The following REDIC1 variants were observed in gnomAD, a reference collection of about 807,000 sequenced individuals.
REDIC1 encodes the protein regulator of DNA class I crossover intermediates 1.
At chr12:39,853,849 A>T in the REDIC1 span, among the ~76,000 whole-genome samples, 15 of 152,162 alleles carry the variant, frequency 9.9e-5, no homozygotes, top group Admixed American at 9.2e-4. Context: ...AATACCTCTG[A>T]AAGAGTTTTA....
chr12:39,830,237 T>C, the REDIC1 span: 1 of 1,610,972 alleles, frequency 6.2e-7, no homozygotes, highest in Non-Finnish European at 8.5e-7. Context: ...AACTGAAAAA[T>C]GAAAAGAGTT....
At chr12:39,864,935 G>C in the REDIC1 span, 1 of 1,515,154 alleles carries the variant, frequency 6.6e-7, no homozygotes, top group Non-Finnish European at 8.9e-7. Context: ...TTGTTTTAAG[G>C]CAGACTGGGT....
chr12:39,721,421 TAATG>T, the REDIC1 span: 471 of 584,578 alleles, frequency 8.1e-4, 2 homozygotes, highest in Admixed American at 1.3e-3. Context: ...TTAATATTAT[TAATG>T]TATGTATTTA....
the REDIC1 span, among the ~76,000 whole-genome samples, chr12:39,779,064 G>T: frequency 2.0e-5 from 3 of 152,200 alleles, no homozygotes; most frequent in African/African-American, 7.2e-5. Flanking sequence ...CCCCCAGGAA[G>T]AGTCATCCCT....
At chr12:39,650,476 C>T in the REDIC1 span, 1 of 1,298,980 alleles carries the variant, frequency 7.7e-7, no homozygotes, top group Non-Finnish European at 1.0e-6. This position sits in a 1 kb window ranked among gnomAD's most constrained non-coding sequence, Gnocchi z 4.3. Context: ...AGTAATACTT[C>T]TAGAAAAAAA....
At chr12:39,706,555 A>G in the REDIC1 span, among the ~76,000 whole-genome samples, 1 of 152,082 alleles carries the variant, frequency 6.6e-6, no homozygotes, top group Non-Finnish European at 1.5e-5. Flanking sequence ...ACTTCAAATT[A>G]TACTACAGAA....
At chr12:39,714,797 C>T in the REDIC1 span, among the ~76,000 whole-genome samples, 1 of 151,852 alleles carries the variant, frequency 6.6e-6, no homozygotes, top group South Asian at 2.1e-4. Context: ...TTTTGATTTG[C>T]ATTTCCCTGG....
At chr12:39,690,519 T>TTAGCAATTAACATATTGAATATGA in the REDIC1 span, among the ~76,000 whole-genome samples, 2 of 152,068 alleles carry the variant, frequency 1.3e-5, no homozygotes, top group East Asian at 1.9e-4. Flanking sequence ...TGAAACCCAC[T>TTAGCAATTAACATATTGAATATGA]TAGCAATTAA....
the REDIC1 span, among the ~76,000 whole-genome samples, chr12:39,705,382 T>C: frequency 9.2e-5 from 14 of 152,074 alleles, no homozygotes; most frequent in African/African-American, 3.4e-4. Context: ...CTACAAAACA[T>C]GTAACGAAGA....
chr12:39,703,232 A>G, the REDIC1 span, among the ~76,000 whole-genome samples: 1 of 151,828 alleles, frequency 6.6e-6, no homozygotes, highest in Non-Finnish European at 1.5e-5. Flanking sequence ...CAACTTCAGC[A>G]AAGTCTCAGG....
the REDIC1 span, among the ~76,000 whole-genome samples, chr12:39,825,977 A>C: frequency 6.6e-6 from 1 of 152,086 alleles, no homozygotes; most frequent in Non-Finnish European, 1.5e-5. Context: ...TCCCAGCTAA[A>C]CTAGAAGGGG....
chr12:39,665,226 A>G, the REDIC1 span, among the ~76,000 whole-genome samples: 1 of 152,132 alleles, frequency 6.6e-6, no homozygotes, highest in African/African-American at 2.4e-5. Flanking sequence ...TAAGTCTTTA[A>G]TCCATCTTGA....
chr12:39,708,700 CT>C, the REDIC1 span, among the ~76,000 whole-genome samples: 1 of 151,678 alleles, frequency 6.6e-6, no homozygotes, highest in Admixed American at 6.6e-5. Context: ...TGTAGCTGAC[CT>C]ATTTTGTGGC....
the REDIC1 span, among the ~76,000 whole-genome samples, chr12:39,723,975 C>G: frequency 5.6e-3 from 856 of 152,236 alleles, 5 homozygotes; most frequent in Non-Finnish European, 0.01. Context: ...CTGTGCCCAG[C>G]TCACATTTCT....
the REDIC1 span, among the ~76,000 whole-genome samples, chr12:39,783,332 C>T: frequency 2.0e-5 from 3 of 152,170 alleles, no homozygotes; most frequent in Non-Finnish European, 4.4e-5. Flanking sequence ...AATAAACATA[C>T]GTGTGCATGT....
the REDIC1 span, among the ~76,000 whole-genome samples, chr12:39,743,648 A>C: frequency 6.6e-6 from 1 of 152,206 alleles, no homozygotes; most frequent in Non-Finnish European, 1.5e-5. Flanking sequence ...TGAAAATGTA[A>C]AGAATCAGAA....
chr12:39,680,812 G>T, the REDIC1 span, among the ~76,000 whole-genome samples: 4 of 151,618 alleles, frequency 2.6e-5, no homozygotes, highest in African/African-American at 7.3e-5. Context: ...ACACTCCATG[G>T]AATTCTACTC....
the REDIC1 span, among the ~76,000 whole-genome samples, chr12:39,880,413 G>T: frequency 3.3e-5 from 5 of 152,106 alleles, no homozygotes; most frequent in African/African-American, 1.2e-4. Context: ...AATCCTCTTT[G>T]TACATTATAA....
At chr12:39,782,047 G>A in the REDIC1 span, among the ~76,000 whole-genome samples, 2 of 152,214 alleles carry the variant, frequency 1.3e-5, no homozygotes, top group Non-Finnish European at 2.9e-5. Flanking sequence ...CTTGTACTTG[G>A]TGGGGTCGAG....
Sources: gnomAD v4.1 joint callset for allele counts (sites outside exome capture counted in the v4.1 genomes callset) on GRCh38, gnomAD v4.1.1 for gene constraint, Gnocchi (gnomAD v3.1) non-coding constraint, MANE v1.5 for transcripts, NCBI Gene and HGNC (gene_info 2026-07-23, HGNC 2026-07-21) for gene names.